Variants in EPHA6 observed in about 807,000 individuals in gnomAD.
EPHA6 encodes EPH receptor A6.
EPHA6 carries 50 observed loss-of-function variants against 112.0 expected under a neutral mutation model. The ratio of observed to expected loss-of-function variants is 0.45; its 90% CI spans 0.36 to 0.56. The LOEUF is 0.56. Ranked by LOEUF, EPHA6 falls within the 20% of genes least tolerant of loss-of-function variation. The pLI is 0.00. For missense variants in EPHA6, 1,280 were observed against 1,417.4 expected, an observed-to-expected ratio of 0.90 and a Z score of 1.56; for synonymous variants, 529 against 490.7, an observed-to-expected ratio of 1.08 and a Z score of -1.03.
chr3:97,021,132 TG>T (rs1365082306), intron 3 of EPHA6, among the ~76,000 whole-genome samples: 1 of 152,220 alleles, frequency 6.6e-6, no homozygotes, highest in African/African-American at 2.4e-5. Flanking sequence ...TAAAATGTAC[TG>T]CAAATGTGTT....
intron 3 of EPHA6, among the ~76,000 whole-genome samples, chr3:97,042,946 G>C (rs2045368789): frequency 1.3e-5 from 2 of 152,154 alleles, no homozygotes; most frequent in South Asian, 4.1e-4. Flanking sequence ...CATCAGGTGA[G>C]CCCTTAGAGC....
At chr3:96,908,323 A>G (rs1302901688) in intron 2 of EPHA6, among the ~76,000 whole-genome samples, 3 of 151,928 alleles carry the variant, frequency 2.0e-5, no homozygotes, top group Admixed American at 6.6e-5. Flanking sequence ...AATTTTTTCT[A>G]TATATATTAT....
intron 1 of EPHA6, among the ~76,000 whole-genome samples, chr3:96,860,652 G>C (rs1262315539): frequency 1.3e-5 from 2 of 152,056 alleles, no homozygotes; most frequent in Admixed American, 1.3e-4. Flanking sequence ...GTAAGCAATG[G>C]GGAACATGTT....
rs188251086 is a variant in EPHA6, at chr3:97,099,821, G to A, written c.1114+111828G>A. Among the ~76,000 whole-genome samples the A allele has an allele frequency of 4.7e-4, 72 of 152,088 alleles. No homozygotes were observed. The Middle Eastern group carries it at 0.01, about 22-fold the overall frequency. ...CCTAGATCCTGAATGATCATATGGA[G>A]CAAAGTCCCACAGCTGACTACTTTG... is the stretch of plus-strand genomic sequence containing the variant. On this transcript the variant is annotated intron_variant, in intron 3 of 17. Transcript: ENST00000389672.
chr3:97,035,132 G>A (rs2045038238), intron 3 of EPHA6, among the ~76,000 whole-genome samples: 1 of 151,810 alleles, frequency 6.6e-6, no homozygotes, highest in Admixed American at 6.6e-5. Context: ...AATCCTATTA[G>A]AAGCATGTGA....
rs189355591 is a variant in EPHA6, at chr3:97,251,582, C to T, written c.1606+7295C>T. On this transcript the variant is annotated intron_variant, in intron 5 of 17. Transcript: ENST00000389672. ...TTCAAAGTGGATGGATTATTCTGAT[C>T]ATCATTAAAAATGTGAATTTCTTCA... Among the ~76,000 whole-genome samples the T allele has an allele frequency of 4.6e-5, 7 of 152,174 alleles. No individual in the cohort carries two copies. In the East Asian group the frequency reaches 1.2e-3, roughly 25 times the overall value.
intron 5 of EPHA6, among the ~76,000 whole-genome samples, chr3:97,288,682 A>T (rs2080564156): frequency 6.6e-6 from 1 of 152,150 alleles, no homozygotes; most frequent in Non-Finnish European, 1.5e-5. Flanking sequence ...ACTAATTTAC[A>T]TTCCCACCAA....
chr3:96,843,881 T>G (rs2034907757), intron 1 of EPHA6, among the ~76,000 whole-genome samples: 1 of 152,122 alleles, frequency 6.6e-6, no homozygotes, highest in Non-Finnish European at 1.5e-5. Flanking sequence ...CTTGTACTTT[T>G]TATTATTTGA....
intron 6 of EPHA6, chr3:97,447,760 G>A (rs2090398210): frequency 3.9e-6 from 4 of 1,014,192 alleles, no homozygotes; most frequent in Non-Finnish European, 4.7e-6. Flanking sequence ...ATTTAGTGAA[G>A]TGAGATAATT....
chr3:97,558,068 C>T (rs1055642340), intron 11 of EPHA6, among the ~76,000 whole-genome samples: 1 of 151,934 alleles, frequency 6.6e-6, no homozygotes, highest in African/African-American at 2.4e-5. Flanking sequence ...GTAGATCCGG[C>T]AATCAATATA....
rs1054631827 is a variant in EPHA6 at position 97,481,306 on chromosome 3, A to G, written c.2074+1942A>G. 4.5e-6 allele frequency: 7 copies of G among 1,547,336 alleles called. No individual in the cohort carries two copies. In the African/African-American group the frequency reaches 5.4e-5, roughly 12 times the overall value. ...TTTTCATAAAGAGTATCCGTCTTGG[A>G]GGGAGATTCCAGTTGTAGAGATGTT... On this transcript the variant is annotated intron_variant, in intron 9 of 17. Transcript: ENST00000389672.
chr3:97,007,608 T>G (rs1473525055), intron 3 of EPHA6, among the ~76,000 whole-genome samples: 2 of 152,154 alleles, frequency 1.3e-5, no homozygotes, highest in Non-Finnish European at 2.9e-5. Context: ...CATTTACATT[T>G]AAGGTTAGTA....
At chr3:97,387,981 C>G (rs1014256982) in intron 5 of EPHA6, among the ~76,000 whole-genome samples, 18 of 152,106 alleles carry the variant, frequency 1.2e-4, no homozygotes, top group African/African-American at 4.3e-4. Context: ...GGGGGAAGTG[C>G]TATACACTGT....
At chr3:97,570,178 A>G (rs6775629) in intron 11 of EPHA6, among the ~76,000 whole-genome samples, 37,704 of 152,140 alleles carry the variant, frequency 0.25, 6,694 homozygotes, top group African/African-American at 0.49. Context: ...AATAATTAAA[A>G]TAAAATATTC....
At chr3:97,119,170 TGAC>T (rs2047974810) in intron 3 of EPHA6, among the ~76,000 whole-genome samples, 1 of 151,940 alleles carries the variant, frequency 6.6e-6, no homozygotes, top group Non-Finnish European at 1.5e-5. Flanking sequence ...AATTAATCAG[TGAC>T]AAAACACTGA....
At chr3:97,354,282 C>T (rs2083955076) in intron 5 of EPHA6, among the ~76,000 whole-genome samples, 1 of 152,062 alleles carries the variant, frequency 6.6e-6, no homozygotes. Context: ...CATGACCTCA[C>T]CAAACAAACT....
At chr3:97,015,379 G>A (rs1021577607) in intron 3 of EPHA6, among the ~76,000 whole-genome samples, 3 of 152,112 alleles carry the variant, frequency 2.0e-5, no homozygotes, top group Non-Finnish European at 4.4e-5. Context: ...ATAGGTGTGT[G>A]TTTTCTTTTC....
intron 3 of EPHA6, among the ~76,000 whole-genome samples, chr3:97,217,503 G>A (rs1216516345): frequency 6.6e-6 from 1 of 152,130 alleles, no homozygotes; most frequent in Non-Finnish European, 1.5e-5. Context: ...TTGTCAAATA[G>A]TAGTTTTTTA....
At position 97,071,815 on chromosome 3, in the gene EPHA6, C is replaced by T. The variant is rs546135746; in HGVS notation, c.1114+83822C>T. ...GATTATTTTGTGAGATTTTGGTGCA[C>T]CGATCACCCGAGCTCTATACCCTGT... On this transcript the variant is annotated intron_variant, in intron 3 of 17. Coordinates refer to ENST00000389672, the MANE Select transcript of EPHA6 (RefSeq NM_001080448.3). 2.6e-4 allele frequency among the ~76,000 whole-genome samples: 39 copies of T among 151,888 alleles called. 1 individual carries two copies. In the South Asian group the frequency reaches 7.1e-3, roughly 28 times the overall value.
Sources: allele counts gnomAD v4.1 joint callset (sites outside exome capture counted in the v4.1 genomes callset), GRCh38; gene constraint gnomAD v4.1.1; transcripts MANE v1.5; gene names NCBI Gene and HGNC (gene_info 2026-07-23, HGNC 2026-07-21).